CLTCL1: variants seen among roughly 807,000 people sequenced by gnomAD.
The protein encoded by CLTCL1 is clathrin heavy chain like 1.
A neutral mutation model predicts 190.0 loss-of-function variants in CLTCL1; 159 were observed. The observed-to-expected ratio is 0.84, with a 90% CI of 0.74 to 0.95. The LOEUF (loss-of-function observed/expected upper bound fraction) is 0.95, where lower values mean the gene tolerates loss of function less well. Among genes scored for constraint, CLTCL1 ranks in the 40% least tolerant of loss-of-function variants. The probability of loss-of-function intolerance (pLI) is 0.00; values close to 1 mark genes in which losing one functional copy is unlikely to be tolerated. For synonymous variants in CLTCL1, 752 were observed against 769.6 expected, an observed-to-expected ratio of 0.98 and a Z score of 0.38; for missense variants, 1,878 against 2,033.4, an observed-to-expected ratio of 0.92 and a Z score of 1.47.
chr22:19,288,547 T>C (rs1323914782), intron 1 of CLTCL1, among the ~76,000 whole-genome samples: 2 of 152,188 alleles, frequency 1.3e-5, no homozygotes, highest in African/African-American at 2.4e-5. Flanking sequence ...TAGATGAAGA[T>C]ATAGAAGCAC....
At chr22:19,248,384 A>G (rs1555968765) in intron 3 of CLTCL1, among the ~76,000 whole-genome samples, 1 of 152,138 alleles carries the variant, frequency 6.6e-6, no homozygotes, top group East Asian at 1.9e-4. Flanking sequence ...ACCCAAGACA[A>G]TTCTTCTTCC....
At chr22:19,232,395 G>A in intron 10 of CLTCL1, 81 bp downstream of exon 10, 2 of 1,577,976 alleles carry the variant, frequency 1.3e-6, no homozygotes, top group Non-Finnish European at 1.7e-6. Context: ...ATTGAGACAA[G>A]TTAACAGGAA....
chr22:19,183,937 CTGCTGCAGAGG>C, intron 29 of CLTCL1: 1 of 410,750 alleles, frequency 2.4e-6, no homozygotes, highest in Non-Finnish European at 4.6e-6. Flanking sequence ...GGTTGTGGGG[CTGCTGCAGAGG>C]TGCTGCACTC....
intron 18 of CLTCL1, among the ~76,000 whole-genome samples, chr22:19,217,958 T>C (rs2085444643): frequency 6.6e-6 from 1 of 152,066 alleles, no homozygotes; most frequent in African/African-American, 2.4e-5. Flanking sequence ...TTTGAGTCAA[T>C]ACAGGATGCC....
intron 30 of CLTCL1, 54 bp from the exon 31 acceptor site, chr22:19,180,860 T>C: frequency 6.5e-7 from 1 of 1,537,750 alleles, no homozygotes; most frequent in Non-Finnish European, 9.0e-7. Context: ...CAGTCCGGCC[T>C]CTAGGTGAAA....
intron 18 of CLTCL1, among the ~76,000 whole-genome samples, chr22:19,216,924 C>T (rs894347336): frequency 4.6e-5 from 7 of 152,150 alleles, no homozygotes; most frequent in Non-Finnish European, 8.8e-5. Context: ...AATATTTTTG[C>T]CAAGTTTCTG....
At chr22:19,221,859 A>G (rs2085581476) in intron 16 of CLTCL1, 92 bp downstream of exon 16, 37 of 1,417,156 alleles carry the variant, frequency 2.6e-5, no homozygotes, top group Admixed American at 4.0e-5. Flanking sequence ...ATGAACGACC[A>G]GCTATAGAGA....
rs782201806 is a variant in CLTCL1, at chr22:19,191,357, G to A, written c.4270C>T (p.Leu1424=). Reference sequence around the variant, plus strand: ...TGGTCCAGCCGGGGTGAAAGCACCAGCAGCAGGTCATTGATGAGCAGTGGT... The same window carrying A: ...TGGTCCAGCCGGGGTGAAAGCACCAACAGCAGGTCATTGATGAGCAGTGGT... ...YKPLLINDLL[L]VLSPRLDHTW... Residue 1424 remains leucine, a synonymous_variant, in exon 27 of 33, where the codon CTG becomes TTG. Transcript: ENST00000427926. The A allele has an allele frequency of 1.2e-6, 2 of 1,614,048 alleles. No individual in the cohort carries two copies. The highest frequency in any genetic ancestry group is 1.1e-5 in the South Asian group (1 of 91,082).
In CLTCL1 at chr22:19,179,884, G is replaced by A. The variant is rs530915474; in HGVS notation, c.*106C>T. 12 of 402,002 alleles carry A rather than the reference G, an allele frequency of 3.0e-5. No individual in the cohort carries two copies. Among genetic ancestry groups the A allele is most frequent in the South Asian group, 2.8e-4 (8 of 28,816 alleles). 24.9% of individuals were successfully genotyped at this position (402,002 alleles called of 1,614,324 possible). ...GGTGGTGACAACGCCCACTACACGCGGAAGTTGTACATTGGAGGCTGGCGA... is the reference window on the plus strand; with the variant it reads ...GGTGGTGACAACGCCCACTACACGCAGAAGTTGTACATTGGAGGCTGGCGA... On this transcript the variant is annotated 3_prime_UTR_variant, in exon 33 of 33. Transcript: ENST00000427926.
At chr22:19,261,257 C>G (rs1402320151) in intron 2 of CLTCL1, among the ~76,000 whole-genome samples, 1 of 152,028 alleles carries the variant, frequency 6.6e-6, no homozygotes. Context: ...GGACTACAGG[C>G]GCCCAACCAT....
chr22:19,194,611 C>A (rs1391509831), intron 26 of CLTCL1, among the ~76,000 whole-genome samples: 1 of 152,230 alleles, frequency 6.6e-6, no homozygotes, highest in Admixed American at 6.5e-5. Flanking sequence ...TGCCAGGCAC[C>A]TGCCATGGAC....
intron 24 of CLTCL1, 52 bp from the exon 25 acceptor site, chr22:19,196,708 G>A (rs1293914732): frequency 1.3e-6 from 2 of 1,569,258 alleles, no homozygotes; most frequent in East Asian, 4.7e-5. Flanking sequence ...GCCTCCTGCA[G>A]CCACCCTCCA....
intron 5 of CLTCL1, among the ~76,000 whole-genome samples, chr22:19,236,625 C>A (rs2086089802): frequency 6.6e-6 from 1 of 152,112 alleles, no homozygotes; most frequent in East Asian, 1.9e-4. Flanking sequence ...TAATTAAGAG[C>A]CCTGAAAGAG....
intron 22 of CLTCL1, among the ~76,000 whole-genome samples, chr22:19,205,498 G>A (rs1481065030): frequency 6.6e-6 from 1 of 152,160 alleles, no homozygotes; most frequent in Admixed American, 6.5e-5. Flanking sequence ...TGACAGAGGA[G>A]ACCCTGTTTC....
chr22:19,266,687 T>TA (rs1192994716), intron 2 of CLTCL1, among the ~76,000 whole-genome samples: 1 of 151,914 alleles, frequency 6.6e-6, no homozygotes, highest in Non-Finnish European at 1.5e-5. Context: ...TCCAACAACA[T>TA]AAAAAAACCA....
chr22:19,233,363 G>C (rs1555960095), intron 8 of CLTCL1, 45 bp from the exon 9 acceptor site: 2 of 1,610,528 alleles, frequency 1.2e-6, no homozygotes, highest in Non-Finnish European at 1.7e-6. Context: ...GGCAGGTAGG[G>C]AGCCTGGACC....
chr22:19,227,041 A>C (rs961106467), intron 11 of CLTCL1, among the ~76,000 whole-genome samples: 10 of 152,032 alleles, frequency 6.6e-5, no homozygotes, highest in African/African-American at 2.4e-4. Flanking sequence ...CCCAGCCAGC[A>C]ATCACATTCT....
chr22:19,252,876 T>C lies in CLTCL1; in HGVS notation c.519+1083A>G, dbSNP rs531307712. Among the ~76,000 whole-genome samples, 1,015 of 151,972 alleles carry C rather than the reference T, an allele frequency of 6.7e-3. 7 individuals carry two copies. The highest frequency in any genetic ancestry group is 0.011 in the Non-Finnish European group (746 of 67,950). ...AAAAATACAAAAAATTAGCCAGGCA[T>C]GGTGGTGGGCGCCTGTAGTCCCAGC... On this transcript the variant is annotated intron_variant, in intron 3 of 32. Transcript: ENST00000427926.
chr22:19,191,651 A>G (rs1555932297), intron 26 of CLTCL1, among the ~76,000 whole-genome samples: 1 of 152,244 alleles, frequency 6.6e-6, no homozygotes, highest in East Asian at 1.9e-4. Flanking sequence ...GGCCAGCCTC[A>G]GGGTTTCCTG....
Sources: allele counts gnomAD v4.1 joint callset (sites outside exome capture counted in the v4.1 genomes callset), GRCh38; gene constraint gnomAD v4.1.1; transcripts MANE v1.5; gene names NCBI Gene and HGNC (gene_info 2026-07-23, HGNC 2026-07-21).